MPP7: variants seen among roughly 807,000 people sequenced by gnomAD.
MPP7 encodes MAGUK p55 scaffold protein 7.
In MPP7, 60 loss-of-function variants were observed where a neutral mutation model predicts 76.5. The ratio of observed to expected loss-of-function variants is 0.78; its 90% CI spans 0.64 to 0.97. The LOEUF (loss-of-function observed/expected upper bound fraction) is 0.97, where lower values mean the gene tolerates loss of function less well. Among genes scored for constraint, MPP7 ranks in the 50% least tolerant of loss-of-function variants. The pLI is 0.00. For missense variants in MPP7, 641 were observed against 694.0 expected (o/e 0.92, Z 0.86); for synonymous variants, 237 against 244.5 (o/e 0.97, Z 0.29).
intron 2 of MPP7, among the ~76,000 whole-genome samples, chr10:28,222,675 AC>A (rs1234329217): frequency 2.6e-5 from 4 of 151,580 alleles, no homozygotes; most frequent in Non-Finnish European, 5.9e-5. Flanking sequence ...ACATGGTGAA[AC>A]CCCGTCTCCA....
chr10:28,220,150 T>TTA lies in MPP7; in HGVS notation c.38-17880_38-17879insTA, dbSNP rs1436050921. Among the ~76,000 whole-genome samples the TTA allele has an allele frequency of 2.0e-3, 298 of 152,286 alleles. 2 individuals are homozygous for TTA. The highest frequency in any genetic ancestry group is 3.3e-3 in the Non-Finnish European group (226 of 68,000). ...GGGTGAGTTAACAGGGGAACATGCA[T>TTA]ACAACTTTACCTAACTTTCATTTGT... On this transcript the variant is annotated intron_variant, in intron 2 of 16. Coordinates refer to ENST00000683449, the MANE Select transcript of MPP7 (RefSeq NM_001318170.2).
chr10:28,142,342 T>C (rs1564654695), intron 5 of MPP7, among the ~76,000 whole-genome samples: 1 of 152,222 alleles, frequency 6.6e-6, no homozygotes, highest in Non-Finnish European at 1.5e-5. Flanking sequence ...AATCACACAG[T>C]ACTCAATGAA....
chr10:28,209,469 C>CAAAAAAAAAAAA (rs34583825), intron 2 of MPP7, among the ~76,000 whole-genome samples: 1 of 122,618 alleles, frequency 8.2e-6, no homozygotes, highest in African/African-American at 2.8e-5. Flanking sequence ...ATCCTATCTC[C>CAAAAAAAAAAAA]AAAAAAAAAA....
chr10:28,117,188 T>C (rs955490824), intron 11 of MPP7, among the ~76,000 whole-genome samples: 9 of 152,122 alleles, frequency 5.9e-5, no homozygotes, highest in Admixed American at 2.0e-4. Flanking sequence ...GCAATCACTT[T>C]GTATAAAAAG....
At chr10:28,291,179 T>C (rs146359360) in intron 1 of MPP7, among the ~76,000 whole-genome samples, 531 of 152,252 alleles carry the variant, frequency 3.5e-3, no homozygotes, top group Middle Eastern at 0.014. Context: ...ATGCCAAACA[T>C]GCAATAATGT....
chr10:28,262,188 T>TATATATATATATATATAC, intron 1 of MPP7, among the ~76,000 whole-genome samples: 1 of 892 alleles, frequency 1.1e-3, no homozygotes, highest in South Asian at 0.12. Context: ...AAATAAATTA[T>TATATATATATATATATAC]ATATATATAT....
intron 2 of MPP7, among the ~76,000 whole-genome samples, chr10:28,216,195 T>A (rs181590846): frequency 2.7e-5 from 4 of 150,344 alleles, no homozygotes; most frequent in African/African-American, 9.8e-5. Flanking sequence ...CTGAGCAACA[T>A]AGCAAGACCC....
chr10:28,069,736 T>G, intron 13 of MPP7, 36 bp downstream of exon 13: 1 of 1,461,068 alleles, frequency 6.8e-7, no homozygotes, highest in Non-Finnish European at 9.3e-7. Context: ...TTATCGTAAG[T>G]GTAGTCATAG....
upstream of MPP7, chr10:28,306,091 T>C (rs999672964): frequency 1.3e-5 from 2 of 152,150 alleles, no homozygotes; most frequent in African/African-American, 2.4e-5. Flanking sequence ...ACTTTATCAG[T>C]TGAGCCTCCA....
chr10:28,146,179 C>T (rs925078471), intron 5 of MPP7, among the ~76,000 whole-genome samples: 1 of 152,174 alleles, frequency 6.6e-6, no homozygotes, highest in African/African-American at 2.4e-5. Context: ...ATCTCCTTAA[C>T]GTTTTTACAC....
intron 3 of MPP7, among the ~76,000 whole-genome samples, chr10:28,168,594 C>T (rs1448231244): frequency 6.6e-6 from 1 of 152,146 alleles, no homozygotes; most frequent in Non-Finnish European, 1.5e-5. Flanking sequence ...TCTCAGCTCA[C>T]TGCAAGCTTC....
chr10:28,122,014 T>A lies in MPP7; in HGVS notation c.616-1346A>T, dbSNP rs144753071. Among the ~76,000 whole-genome samples, 522 of 152,320 alleles carry A rather than the reference T, an allele frequency of 3.4e-3. 1 individual carries two copies. The highest frequency in any genetic ancestry group is 0.011 in the African/African-American group (464 of 41,582). ...CAAGTTAAGTAAAATGGGATTCTGA[T>A]AGTTTAAATAATAGAATTTTATAAA... On this transcript the variant is annotated intron_variant, in intron 8 of 16. Transcript: ENST00000683449.
At chr10:28,327,657 G>T (rs577201767) in intron 2 of MPP7, among the ~76,000 whole-genome samples, 1 of 152,192 alleles carries the variant, frequency 6.6e-6, no homozygotes, top group African/African-American at 2.4e-5. Flanking sequence ...TTTAACCAAT[G>T]GGGGTGAATC....
intron 2 of MPP7, among the ~76,000 whole-genome samples, chr10:28,317,966 A>G (rs950703446): frequency 2.0e-5 from 3 of 152,244 alleles, no homozygotes; most frequent in Non-Finnish European, 4.4e-5. Flanking sequence ...TGCTTACGCC[A>G]TGACTGCAGT....
At chr10:28,221,233 C>T (rs569393879) in intron 2 of MPP7, among the ~76,000 whole-genome samples, 1 of 152,258 alleles carries the variant, frequency 6.6e-6, no homozygotes, top group East Asian at 1.9e-4. Flanking sequence ...AAATAACAAA[C>T]TGGTGGTTCA....
chr10:28,212,067 T>TG (rs1838155520), intron 2 of MPP7, among the ~76,000 whole-genome samples: 1 of 151,908 alleles, frequency 6.6e-6, no homozygotes, highest in Non-Finnish European at 1.5e-5. Context: ...GAGCCATGAT[T>TG]GCACCACTGC....
At chr10:28,164,287 C>T (rs1036533110) in intron 3 of MPP7, among the ~76,000 whole-genome samples, 10 of 152,058 alleles carry the variant, frequency 6.6e-5, no homozygotes, top group South Asian at 2.1e-4. Flanking sequence ...TAGGAGACCC[C>T]GCAGATGCTG....
intron 3 of MPP7, among the ~76,000 whole-genome samples, chr10:28,155,768 TA>T (rs530368373): frequency 0.016 from 2,432 of 150,888 alleles, 73 homozygotes; most frequent in African/African-American, 0.056. Context: ...GTCAGAAACT[TA>T]AAAAAAAAAA....
At chr10:28,094,144 G>A (rs1279426811) in intron 11 of MPP7, among the ~76,000 whole-genome samples, 1 of 152,180 alleles carries the variant, frequency 6.6e-6, no homozygotes, top group Non-Finnish European at 1.5e-5. Context: ...GCAGCCATAC[G>A]CTGCACTTGT....
Sources: allele counts gnomAD v4.1 joint callset (sites outside exome capture counted in the v4.1 genomes callset), GRCh38; gene constraint gnomAD v4.1.1; transcripts MANE v1.5; gene names NCBI Gene and HGNC (gene_info 2026-07-23, HGNC 2026-07-21).